IRGM: variants seen among roughly 807,000 people sequenced by gnomAD.
IRGM encodes immunity-related GTPase family M protein.
For synonymous variants in IRGM, 98 were observed against 80.6 expected (o/e 1.22, Z -1.16); for missense variants, 288 against 219.9 (o/e 1.31, Z -1.96).
chr5:150,856,235 A>G (rs1208456655), intron 1 of IRGM, among the ~76,000 whole-genome samples: 1 of 152,054 alleles, frequency 6.6e-6, no homozygotes, highest in African/African-American at 2.4e-5. Flanking sequence ...GATCAAGACA[A>G]TCCTAGCCAA....
intron 3 of IRGM, chr5:150,894,385 C>T (rs577231557): frequency 5.3e-5 from 8 of 152,312 alleles, no homozygotes; most frequent in African/African-American, 1.9e-4. Context: ...AGTGAAGAGA[C>T]ATTAGGCAGG....
At chr5:150,891,363 C>T (rs987861376) in intron 3 of IRGM, among the ~76,000 whole-genome samples, 3 of 151,898 alleles carry the variant, frequency 2.0e-5, no homozygotes, top group East Asian at 1.9e-4. Flanking sequence ...ATAGTCTCTG[C>T]GTTTTTATCT....
chr5:150,899,463 G>C (rs1175242738), intron 3 of IRGM, among the ~76,000 whole-genome samples: 1 of 151,920 alleles, frequency 6.6e-6, no homozygotes, highest in Non-Finnish European at 1.5e-5. Context: ...GAATGTCAGA[G>C]CTCTAGAAGA....
chr5:150,860,429 G>A lies in IRGM; in HGVS notation c.158+11775G>A, dbSNP rs191393673. On this transcript the variant is annotated intron_variant and NMD_transcript_variant, in intron 1 of 3. Transcript: ENST00000520549. ...GTGTTTTCTTGGCACTGATGCAACA[G>A]TGTTCAAAACTGGACATTCTGAACT... 2.1e-3 allele frequency among the ~76,000 whole-genome samples: 323 copies of A among 152,274 alleles called. 1 individual carries two copies. The highest frequency in any genetic ancestry group is 7.4e-3 in the African/African-American group (308 of 41,568).
rs1456880103 is a variant in IRGM, at chr5:150,846,622, A to T, written c.-1014A>T. 3 of 138,972 alleles carry T rather than the reference A, an allele frequency of 2.2e-5. No homozygotes were observed. Among genetic ancestry groups the T allele is most frequent in the African/African-American group, 9.1e-5 (3 of 33,054 alleles). The allele number at this position is 138,972 out of a possible 1,614,324, so 8.6% of individuals were successfully genotyped here. On this transcript the variant is annotated 5_prime_UTR_variant, in exon 1 of 2. An upstream start codon of the reference 5' UTR is lost. Transcript: ENST00000522154. ...CATTCTTTGGGTCCACACTGCCTTTATGAGCTGTAACACTCACCGTGAAGG... is the reference window on the plus strand; with the variant it reads ...CATTCTTTGGGTCCACACTGCCTTTTTGAGCTGTAACACTCACCGTGAAGG...
rs1021586507 is a variant in IRGM at position 150,847,210 on chromosome 5, C to G, written c.-426C>G. The G allele has an allele frequency of 6.6e-6, 1 of 152,354 alleles. No homozygotes were observed. Among genetic ancestry groups the G allele is most frequent in the Non-Finnish European group, 1.5e-5 (1 of 68,060 alleles). The allele number at this position is 152,354 out of a possible 1,614,324, so 9.4% of individuals were successfully genotyped here. ...GTACTGCTCTGCACGTGTGCTCCCCCGCCTGATGAGGTAAGTGTTAAACAG... is the reference window on the plus strand; with the variant it reads ...GTACTGCTCTGCACGTGTGCTCCCCGGCCTGATGAGGTAAGTGTTAAACAG... On this transcript the variant is annotated 5_prime_UTR_variant, in exon 1 of 2. Transcript: ENST00000522154.
chr5:150,869,729 C>T (rs1473074134), intron 1 of IRGM, among the ~76,000 whole-genome samples: 1 of 152,008 alleles, frequency 6.6e-6, no homozygotes, highest in African/African-American at 2.4e-5. Flanking sequence ...AATAACTTCT[C>T]TTTTTATTTT....
chr5:150,847,916 C>A lies in IRGM; in HGVS notation c.-208C>A, dbSNP rs1366612588. 3 of 540,918 alleles carry A rather than the reference C, an allele frequency of 5.5e-6. No individual in the cohort carries two copies. Among genetic ancestry groups the A allele is most frequent in the Non-Finnish European group, 9.9e-6 (3 of 302,878 alleles). 33.5% of individuals were successfully genotyped at this position (540,918 alleles called of 1,614,324 possible). A position where few individuals can be genotyped will look rare whatever the true frequency, so the allele number is the denominator to read the frequency against. On this transcript the variant is annotated 5_prime_UTR_variant, in exon 2 of 2. Coordinates refer to ENST00000522154, the MANE Select transcript of IRGM (RefSeq NM_001145805.2). ...GTCCAGGGTTCAAGCGATTCCCCTG[C>A]CTCAGCCTCCTGTATTAGCTGGGAC...
intron 3 of IRGM, among the ~76,000 whole-genome samples, chr5:150,880,997 C>T (rs1314260818): frequency 6.6e-6 from 1 of 151,930 alleles, no homozygotes; most frequent in Non-Finnish European, 1.5e-5. Context: ...CGTGGTGGCA[C>T]ATGCCTGTAA....
At chr5:150,884,271 T>C (rs1490857967) in intron 3 of IRGM, among the ~76,000 whole-genome samples, 2 of 152,106 alleles carry the variant, frequency 1.3e-5, no homozygotes, top group Non-Finnish European at 2.9e-5. Context: ...TATGGCGGCA[T>C]AGTATTCCAT....
At chr5:150,878,669 C>T (rs915373745) in intron 2 of IRGM, among the ~76,000 whole-genome samples, 4 of 152,062 alleles carry the variant, frequency 2.6e-5, no homozygotes, top group South Asian at 2.1e-4. Flanking sequence ...ATTCTGAATA[C>T]ATCTGATTTG....
At chr5:150,896,431 C>G in intron 3 of IRGM, 1 of 1,613,662 alleles carries the variant, frequency 6.2e-7, no homozygotes, top group Non-Finnish European at 8.5e-7. Flanking sequence ...GTAACACATA[C>G]ACAGCTTTTC....
chr5:150,886,146 A>G (rs1338923683), intron 3 of IRGM, among the ~76,000 whole-genome samples: 1 of 152,250 alleles, frequency 6.6e-6, no homozygotes, highest in East Asian at 1.9e-4. Flanking sequence ...CATTTTCTTC[A>G]TCTATTGAGA....
chr5:150,878,263 T>C lies in IRGM; in HGVS notation c.*78+149T>C, dbSNP rs531419447. The C allele has an allele frequency of 6.2e-5, 20 of 324,084 alleles. No homozygotes were observed. The Admixed American group carries it at 6.2e-4, about 10-fold the overall frequency. 20.1% of individuals were successfully genotyped at this position (324,084 alleles called of 1,614,324 possible). On this transcript the variant is annotated intron_variant and NMD_transcript_variant, in intron 2 of 3. Coordinates refer to the IRGM transcript ENST00000520549. ...ATCCCAACTTCCTGACTCAGCTTCC[T>C]GATCTGTAAAATGGGAGTAATAATA...
chr5:150,881,377 C>A (rs1396838799), intron 3 of IRGM, among the ~76,000 whole-genome samples: 1 of 152,068 alleles, frequency 6.6e-6, no homozygotes, highest in African/African-American at 2.4e-5. Context: ...CTGTACCTGG[C>A]AAACTGTGCT....
At chr5:150,865,316 C>A (rs1371925505) in intron 1 of IRGM, among the ~76,000 whole-genome samples, 1 of 151,818 alleles carries the variant, frequency 6.6e-6, no homozygotes, top group Non-Finnish European at 1.5e-5. Flanking sequence ...AGAAAAAGAA[C>A]TAAAACAGGC....
At chr5:150,895,389 T>G in intron 3 of IRGM, 11 of 1,463,826 alleles carry the variant, frequency 7.5e-6, no homozygotes, top group Middle Eastern at 2.0e-4. Flanking sequence ...TATTAAGGCT[T>G]GAGCTAATAC....
intron 1 of IRGM, among the ~76,000 whole-genome samples, chr5:150,854,850 C>G (rs1341379611): frequency 6.6e-6 from 1 of 152,070 alleles, no homozygotes; most frequent in East Asian, 1.9e-4. Context: ...ACTTGGGAAG[C>G]TTTTGGCTAT....
chr5:150,852,076 A>T (rs1440236060), downstream of IRGM, among the ~76,000 whole-genome samples: 4 of 152,116 alleles, frequency 2.6e-5, no homozygotes, highest in African/African-American at 9.7e-5. Flanking sequence ...AAAGATGGAT[A>T]TTGCTGTTTC....
Sources: gnomAD v4.1 joint callset for allele counts (sites outside exome capture counted in the v4.1 genomes callset) on GRCh38, gnomAD v4.1.1 for gene constraint, MANE v1.5 for transcripts, NCBI Gene and HGNC (gene_info 2026-07-23, HGNC 2026-07-21) for gene names.